The following GALNTL6 variants were observed in gnomAD, a reference collection of about 807,000 sequenced individuals.
The protein encoded by GALNTL6 is polypeptide N-acetylgalactosaminyltransferase-like 6.
GALNTL6 carries 46 observed loss-of-function variants against 73.7 expected under a neutral mutation model. The ratio of observed to expected loss-of-function variants is 0.62; its 90% CI spans 0.49 to 0.80. The LOEUF (loss-of-function observed/expected upper bound fraction) is 0.80, where lower values mean the gene tolerates loss of function less well. GALNTL6 is among the 30% of genes least tolerant of loss of function. GALNTL6 has a pLI of 0.00. For synonymous variants in GALNTL6, 259 were observed against 263.7 expected, an observed-to-expected ratio of 0.98 and a Z score of 0.17; for missense variants, 604 against 755.0, an observed-to-expected ratio of 0.80 and a Z score of 2.34.
intron 5 of GALNTL6, among the ~76,000 whole-genome samples, chr4:172,467,859 T>TTTCTTTCTTTCTTTCTTTCC (rs1266802727): frequency 9.3e-6 from 1 of 107,438 alleles, no homozygotes; most frequent in East Asian, 2.5e-4. Flanking sequence ...TCTTTCTTTC[T>TTTCTTTCTTTCTTTCTTTCC]TTCTTTCCTT....
At chr4:172,961,569 C>T (rs1358138669) in intron 10 of GALNTL6, among the ~76,000 whole-genome samples, 1 of 152,178 alleles carries the variant, frequency 6.6e-6, no homozygotes, top group Non-Finnish European at 1.5e-5. Context: ...TTCCCAAGTC[C>T]GTGACCGGCA....
At chr4:172,610,323 G>T (rs1738480420) in intron 5 of GALNTL6, among the ~76,000 whole-genome samples, 1 of 151,938 alleles carries the variant, frequency 6.6e-6, no homozygotes, top group Non-Finnish European at 1.5e-5. Context: ...CTACCTTTTT[G>T]ATATGGGCAC....
intron 2 of GALNTL6, among the ~76,000 whole-genome samples, chr4:172,057,307 G>A (rs1398991425): frequency 3.3e-5 from 5 of 151,776 alleles, no homozygotes; most frequent in Non-Finnish European, 7.4e-5. Context: ...CCAGCTACTC[G>A]AGAGGCTGAG....
At chr4:172,564,153 G>A (rs975535383) in intron 5 of GALNTL6, among the ~76,000 whole-genome samples, 13 of 152,010 alleles carry the variant, frequency 8.6e-5, no homozygotes, top group African/African-American at 1.9e-4. Flanking sequence ...AGAAAATTCC[G>A]TAGCTCTATT....
chr4:171,936,706 G>A (rs945824049), intron 2 of GALNTL6, among the ~76,000 whole-genome samples: 1 of 151,964 alleles, frequency 6.6e-6, no homozygotes, highest in African/African-American at 2.4e-5. Context: ...ACCTATCATG[G>A]GATGAACAAT....
At position 171,854,427 on chromosome 4, in the gene GALNTL6, A is replaced by G. The variant is rs576274703; in HGVS notation, c.138+39709A>G. On this transcript the variant is annotated intron_variant, in intron 2 of 12. Transcript: ENST00000506823. The stretch of plus-strand genomic sequence containing the variant: ...TTCAGTTGTCAATTTCCATGCATCA[A>G]CATTCACAAAATTGACCCCATGATA... Among the ~76,000 whole-genome samples the G allele has an allele frequency of 5.3e-5, 8 of 152,328 alleles. No individual in the cohort carries two copies. The South Asian group carries it at 1.2e-3, about 24-fold the overall frequency.
chr4:172,239,025 G>A (rs1737331146), intron 3 of GALNTL6, among the ~76,000 whole-genome samples: 1 of 152,102 alleles, frequency 6.6e-6, no homozygotes, highest in African/African-American at 2.4e-5. Context: ...AAGGATTTTT[G>A]CATCTATGTT....
Position 172,718,198 on chromosome 4 carries a change from G to A in GALNTL6, c.554-91163G>A, listed in dbSNP as rs75341169. On this transcript the variant is annotated intron_variant, in intron 5 of 12. Coordinates refer to ENST00000506823, the MANE Select transcript of GALNTL6 (RefSeq NM_001034845.3). ...ATAATTCAGAAGAATCTACTTCATC[G>A]TTATGATGATTCATGACTTTAAAAG... is the stretch of plus-strand genomic sequence containing the variant. Among the ~76,000 whole-genome samples the A allele has an allele frequency of 4.4e-3, 666 of 152,214 alleles. 7 individuals carry two copies. The highest frequency in any genetic ancestry group is 0.015 in the African/African-American group (620 of 41,524).
intron 5 of GALNTL6, among the ~76,000 whole-genome samples, chr4:172,613,187 G>C (rs1054364664): frequency 1.3e-5 from 2 of 152,030 alleles, no homozygotes; most frequent in Non-Finnish European, 1.5e-5. Context: ...GGGGAAGGGA[G>C]GATAATAAGT....
chr4:172,342,247 A>C (rs1256177473), intron 4 of GALNTL6, among the ~76,000 whole-genome samples: 1 of 151,922 alleles, frequency 6.6e-6, no homozygotes, highest in Admixed American at 6.6e-5. Flanking sequence ...AAAATATTAT[A>C]GTATTTATAT....
At chr4:172,592,678 A>G (rs1234177109) in intron 5 of GALNTL6, among the ~76,000 whole-genome samples, 3 of 150,192 alleles carry the variant, frequency 2.0e-5, no homozygotes, top group African/African-American at 7.4e-5. Context: ...CTGTCTATCT[A>G]TCTATCTATC....
chr4:172,969,635 G>C (rs1383759709), intron 10 of GALNTL6, among the ~76,000 whole-genome samples: 1 of 152,192 alleles, frequency 6.6e-6, no homozygotes, highest in Admixed American at 6.5e-5. Context: ...TGAAGCAGTA[G>C]TTGTAAAGAT....
intron 2 of GALNTL6, among the ~76,000 whole-genome samples, chr4:171,984,054 A>C (rs1318456370): frequency 6.6e-6 from 1 of 152,074 alleles, no homozygotes; most frequent in Admixed American, 6.5e-5. Flanking sequence ...TGGATTCATT[A>C]GGGGCCCCTT....
At position 171,994,392 on chromosome 4, in the gene GALNTL6, A is replaced by G. The variant is rs1246104282; in HGVS notation, c.138+179674A>G. On this transcript the variant is annotated intron_variant, in intron 2 of 12. Coordinates refer to ENST00000506823, the MANE Select transcript of GALNTL6 (RefSeq NM_001034845.3). Reference sequence around the variant, plus strand: ...ATTTAATGGTTGTTTATTCTCAAGTAGTGAGGATATCCTACCCATTCACTA... The same window carrying G: ...ATTTAATGGTTGTTTATTCTCAAGTGGTGAGGATATCCTACCCATTCACTA... 1.2e-4 allele frequency among the ~76,000 whole-genome samples: 19 copies of G among 152,154 alleles called. No homozygotes were observed. The East Asian group carries it at 3.7e-3, about 29-fold the overall frequency.
At chr4:172,462,504 T>C (rs991167712) in intron 5 of GALNTL6, among the ~76,000 whole-genome samples, 3 of 152,200 alleles carry the variant, frequency 2.0e-5, no homozygotes, top group African/African-American at 7.2e-5. Flanking sequence ...TTAGGAATCT[T>C]AGTGATCCGC....
In GALNTL6 at chr4:172,141,913, C is replaced by CACACACA. The variant is rs1560939874; in HGVS notation, c.139-87743_139-87742insACACACA. Among the ~76,000 whole-genome samples, 5 of 102,662 alleles carry CACACACA rather than the reference C, an allele frequency of 4.9e-5. No individual in the cohort carries two copies. The South Asian group carries it at 1.2e-3, about 24-fold the overall frequency. The allele number at this position is 102,662 out of a possible 152,430, so 67.4% of individuals were successfully genotyped here. ...CACACACACACACACACACACACAC[C>CACACACA]CCCCACACTCATTCCTGAAATAAAG... On this transcript the variant is annotated intron_variant, in intron 2 of 12. Transcript: ENST00000506823.
intron 5 of GALNTL6, among the ~76,000 whole-genome samples, chr4:172,583,561 T>A (rs1048155286): frequency 9.2e-5 from 14 of 152,174 alleles, no homozygotes; most frequent in African/African-American, 3.4e-4. Context: ...CCAAAGTTTG[T>A]GTTTTAACCA....
chr4:171,874,716 A>T (rs1736228108), intron 2 of GALNTL6, among the ~76,000 whole-genome samples: 1 of 152,182 alleles, frequency 6.6e-6, no homozygotes, highest in African/African-American at 2.4e-5. Flanking sequence ...GAGACCTAAA[A>T]TACTGTGATT....
intron 5 of GALNTL6, among the ~76,000 whole-genome samples, chr4:172,759,747 A>C (rs1034984094): frequency 2.0e-5 from 3 of 150,938 alleles, no homozygotes; most frequent in African/African-American, 7.3e-5. Flanking sequence ...ACAGAGAAGG[A>C]ATAGTTTTTC....
Sources: gnomAD v4.1 joint callset for allele counts (sites outside exome capture counted in the v4.1 genomes callset) on GRCh38, gnomAD v4.1.1 for gene constraint, MANE v1.5 for transcripts, NCBI Gene and HGNC (gene_info 2026-07-23, HGNC 2026-07-21) for gene names.